Variants in CADPS observed in about 807,000 individuals in gnomAD.
The protein encoded by CADPS is calcium-dependent secretion activator 1.
Under a neutral mutation model 167.3 loss-of-function variants are expected in CADPS, and 57 were observed. The observed-to-expected ratio is 0.34, with a 90% CI of 0.28 to 0.42. The LOEUF (loss-of-function observed/expected upper bound fraction) is 0.42. CADPS is among the 20% of genes least tolerant of loss of function. CADPS has a pLI of 1.00. For missense variants in CADPS, 1,414 were observed against 1,738.1 expected (o/e 0.81, Z 3.32); for synonymous variants, 676 against 635.3 (o/e 1.06, Z -0.96).
At chr3:62,588,843 A>G (rs768113228) in intron 7 of CADPS, among the ~76,000 whole-genome samples, 5 of 152,178 alleles carry the variant, frequency 3.3e-5, no homozygotes, top group African/African-American at 1.2e-4. Flanking sequence ...GGCACCATGT[A>G]GAGAAGTGTG....
At chr3:62,414,986 G>A (rs1284055431) in intron 28 of CADPS, among the ~76,000 whole-genome samples, 1 of 152,066 alleles carries the variant, frequency 6.6e-6, no homozygotes, top group Non-Finnish European at 1.5e-5. Context: ...GTGACCGCTG[G>A]GCAAAAGCGG....
chr3:62,652,397 GCCA>G (rs1260457890), intron 4 of CADPS, among the ~76,000 whole-genome samples: 8 of 83,246 alleles, frequency 9.6e-5, no homozygotes, highest in African/African-American at 4.3e-4. Flanking sequence ...ATTCTGTGTG[GCCA>G]AAAAAAAAAA....
intron 5 of CADPS, among the ~76,000 whole-genome samples, chr3:62,646,986 A>T (rs2068736074): frequency 6.6e-6 from 1 of 152,106 alleles, no homozygotes; most frequent in Non-Finnish European, 1.5e-5. Context: ...GGCACTTCCT[A>T]CCACCTCCCC....
At chr3:62,658,327 T>C (rs2072255710) in intron 4 of CADPS, among the ~76,000 whole-genome samples, 1 of 152,064 alleles carries the variant, frequency 6.6e-6, no homozygotes, top group Non-Finnish European at 1.5e-5. Context: ...AAAGGACTGA[T>C]TAGCAGAGAG....
chr3:62,852,263 C>G (rs1051691157), intron 1 of CADPS, among the ~76,000 whole-genome samples: 1 of 151,868 alleles, frequency 6.6e-6, no homozygotes, highest in Admixed American at 6.6e-5. Flanking sequence ...CTGAAGCCTT[C>G]TTCTCTCAGC....
intron 1 of CADPS, among the ~76,000 whole-genome samples, chr3:62,851,380 T>TA (rs1385817174): frequency 7.2e-6 from 1 of 138,536 alleles, no homozygotes; most frequent in African/African-American, 2.7e-5. Flanking sequence ...CGATGGTCGT[T>TA]ACATTTTGGC....
At chr3:62,511,185 T>A (rs1275803395) in intron 17 of CADPS, among the ~76,000 whole-genome samples, 1 of 152,186 alleles carries the variant, frequency 6.6e-6, no homozygotes, top group Non-Finnish European at 1.5e-5. Context: ...AGTTAAGAAA[T>A]TTTGAACCAT....
chr3:62,576,083 G>A (rs1366577937), intron 8 of CADPS, among the ~76,000 whole-genome samples: 1 of 152,196 alleles, frequency 6.6e-6, no homozygotes. Flanking sequence ...CAGACATACA[G>A]GTGGCTTCCC....
intron 2 of CADPS, among the ~76,000 whole-genome samples, chr3:62,756,167 C>T (rs949344140): frequency 2.0e-5 from 3 of 152,052 alleles, no homozygotes; most frequent in Non-Finnish European, 4.4e-5. Context: ...ATTCTCCTGC[C>T]TCAGACTCCC....
intron 17 of CADPS, among the ~76,000 whole-genome samples, chr3:62,508,612 T>G (rs761318944): frequency 6.6e-6 from 1 of 152,168 alleles, no homozygotes; most frequent in Non-Finnish European, 1.5e-5. Flanking sequence ...TGATAGCATG[T>G]CACAATACAG....
chr3:62,663,550 G>A (rs966064271), intron 3 of CADPS, among the ~76,000 whole-genome samples: 2 of 138,964 alleles, frequency 1.4e-5, no homozygotes, highest in Admixed American at 1.5e-4. Flanking sequence ...AAATATGTGA[G>A]TTTTCTAAGT....
At chr3:62,768,418 G>A (rs1364086293) in intron 1 of CADPS, among the ~76,000 whole-genome samples, 1 of 151,880 alleles carries the variant, frequency 6.6e-6, no homozygotes, top group African/African-American at 2.4e-5. Flanking sequence ...CCTCGCTTTT[G>A]TCTTAAATGA....
intron 3 of CADPS, among the ~76,000 whole-genome samples, chr3:62,734,112 T>C (rs988704295): frequency 3.3e-5 from 5 of 152,210 alleles, no homozygotes; most frequent in East Asian, 1.9e-4. Flanking sequence ...TATGCATGTG[T>C]CTTTTTCATA....
chr3:62,745,606 C>T (rs907003569), intron 3 of CADPS, among the ~76,000 whole-genome samples: 2 of 152,154 alleles, frequency 1.3e-5, no homozygotes, highest in African/African-American at 4.8e-5. Context: ...ATTACTGTGA[C>T]CCTCAGGTAA....
intron 3 of CADPS, among the ~76,000 whole-genome samples, chr3:62,666,223 C>T (rs1017033705): frequency 1.3e-5 from 2 of 152,058 alleles, no homozygotes; most frequent in African/African-American, 2.4e-5. Context: ...GACCAGAAGG[C>T]GGCCACTGCT....
intron 11 of CADPS, among the ~76,000 whole-genome samples, chr3:62,548,650 T>G (rs985779904): frequency 2.0e-5 from 3 of 152,224 alleles, no homozygotes; most frequent in Non-Finnish European, 2.9e-5. Flanking sequence ...GCTGCAAAAT[T>G]ATTCCACCCA....
intron 1 of CADPS, among the ~76,000 whole-genome samples, chr3:62,794,769 G>A (rs1358548944): frequency 2.9e-5 from 3 of 102,530 alleles, no homozygotes; most frequent in African/African-American, 1.1e-4. Flanking sequence ...CAAGACAGAC[G>A]CAAGGTGGTA....
chr3:62,532,744 TG>T, intron 13 of CADPS, 126 bp downstream of exon 13: 1 of 650,512 alleles, frequency 1.5e-6, no homozygotes, highest in Non-Finnish European at 2.7e-6. Flanking sequence ...TGTGTGTGTG[TG>T]TGTGTACGTG....
intron 22 of CADPS, among the ~76,000 whole-genome samples, chr3:62,481,413 T>A (rs1450321116): frequency 6.6e-6 from 1 of 152,228 alleles, no homozygotes; most frequent in African/African-American, 2.4e-5. Context: ...TATTTTTGGA[T>A]GTCTAGCTCC....
Sources: allele counts gnomAD v4.1 joint callset (sites outside exome capture counted in the v4.1 genomes callset), GRCh38; gene constraint gnomAD v4.1.1; transcripts MANE v1.5; gene names NCBI Gene and HGNC (gene_info 2026-07-23, HGNC 2026-07-21).